The following PDZD2 variants were observed in gnomAD, a reference collection of about 807,000 sequenced individuals.
The protein encoded by PDZD2 is PDZ domain containing 2.
In PDZD2, 90 loss-of-function variants were observed where a neutral mutation model predicts 220.7. That is an observed-to-expected ratio of 0.41 (90% CI 0.34 to 0.49). The LOEUF (loss-of-function observed/expected upper bound fraction) is 0.49, where lower values mean the gene tolerates loss of function less well. Ranked by LOEUF, PDZD2 falls within the 20% of genes least tolerant of loss-of-function variation. The pLI, the probability that PDZD2 is intolerant of heterozygous loss-of-function variation, is 0.28. For synonymous variants in PDZD2, 1,375 were observed against 1,450.5 expected (o/e 0.95, Z 1.18); for missense variants, 3,174 against 3,608.5 (o/e 0.88, Z 3.08).
At chr5:31,683,531 A>T (rs954072165) in intron 1 of PDZD2, among the ~76,000 whole-genome samples, 5 of 152,240 alleles carry the variant, frequency 3.3e-5, no homozygotes, top group African/African-American at 1.2e-4. Flanking sequence ...AAGACTTTGT[A>T]CATGGACACT....
intron 2 of PDZD2, among the ~76,000 whole-genome samples, chr5:31,982,809 A>G (rs1221871003): frequency 6.6e-6 from 1 of 152,214 alleles, no homozygotes; most frequent in African/African-American, 2.4e-5. Flanking sequence ...ATTCCGATGC[A>G]AGAAATGGTT....
rs1561514502 is a variant in PDZD2, at chr5:31,856,930, ATATAT to A, written c.476+57207_476+57211del. Among the ~76,000 whole-genome samples the A allele has an allele frequency of 7.9e-3, 1,099 of 138,840 alleles. 15 individuals carry two copies. Among genetic ancestry groups the A allele is most frequent in the African/African-American group, 0.027 (979 of 35,968 alleles). 91.1% of individuals were successfully genotyped at this position (138,840 alleles called of 152,430 possible). A position where few individuals can be genotyped will look rare whatever the true frequency, so the allele number is the denominator to read the frequency against. On this transcript the variant is annotated intron_variant, in intron 2 of 24. Coordinates refer to ENST00000438447, the MANE Select transcript of PDZD2 (RefSeq NM_178140.4). The stretch of plus-strand genomic sequence containing the variant: ...AAACTATATATATATATATATATAT[ATATAT>A]AACTTTAAAAAGTCAAATATGTCTA...
chr5:31,928,126 G>A (rs968448225), intron 2 of PDZD2, among the ~76,000 whole-genome samples: 2 of 152,208 alleles, frequency 1.3e-5, no homozygotes, highest in African/African-American at 2.4e-5. Context: ...CTGCTGAAGG[G>A]GAGTGCAAAT....
chr5:32,005,173 G>T (rs1752704768), intron 5 of PDZD2, among the ~76,000 whole-genome samples: 1 of 152,174 alleles, frequency 6.6e-6, no homozygotes, highest in Non-Finnish European at 1.5e-5. Context: ...CACTTGAAGA[G>T]GGAGGGGAGA....
intron 2 of PDZD2, among the ~76,000 whole-genome samples, chr5:31,878,755 G>C (rs1198420607): frequency 6.6e-6 from 1 of 151,504 alleles, no homozygotes; most frequent in East Asian, 2.0e-4. Flanking sequence ...TAGAGACGGG[G>C]TTTCACTGTG....
Position 32,090,360 on chromosome 5 carries a change from G to T in PDZD2, c.6912G>T (p.Thr2304=). The change falls in exon 20 of 25, where the codon ACG becomes ACT. Residue 2304 remains threonine, a synonymous_variant. Transcript: ENST00000438447. The surrounding 1 kb of genome is among the most constrained non-coding windows in gnomAD (Gnocchi z 4.3). ...GGGATATCATTTCAGTCCAGGAGACGAGCTGCCTAGTCACAGACAAAATCA... is the reference window on the plus strand; with the variant it reads ...GGGATATCATTTCAGTCCAGGAGACTAGCTGCCTAGTCACAGACAAAATCA... ...DEGDIISVQE[T]SCLVTDKIKV... 1 of 1,614,092 alleles carries T rather than the reference G, an allele frequency of 6.2e-7. No individual in the cohort carries two copies. Among genetic ancestry groups the T allele is most frequent in the Non-Finnish European group, 8.5e-7 (1 of 1,179,980 alleles).
chr5:31,988,441 T>TAG (rs1554019949), intron 3 of PDZD2, among the ~76,000 whole-genome samples: 3 of 146,492 alleles, frequency 2.0e-5, no homozygotes, highest in African/African-American at 7.6e-5. Context: ...GAGATGGGGG[T>TAG]GGGGGGGGTG....
intron 10 of PDZD2, among the ~76,000 whole-genome samples, chr5:32,055,306 A>G (rs1738994589): frequency 6.6e-6 from 1 of 152,044 alleles, no homozygotes; most frequent in African/African-American, 2.4e-5. Context: ...GGCACAAGGG[A>G]TCCTCCTGCC....
intron 1 of PDZD2, among the ~76,000 whole-genome samples, chr5:31,783,353 G>A (rs911948593): frequency 6.6e-6 from 1 of 152,130 alleles, no homozygotes; most frequent in Non-Finnish European, 1.5e-5. Flanking sequence ...GGAAGGATGA[G>A]GACAGGACTG....
chr5:32,073,321 T>C (rs949495902), intron 17 of PDZD2, among the ~76,000 whole-genome samples: 4 of 152,000 alleles, frequency 2.6e-5, no homozygotes, highest in Admixed American at 1.3e-4. Flanking sequence ...TGTTCTAGAG[T>C]ATCTTTAAGA....
At chr5:31,960,247 A>C (rs1191011797) in intron 2 of PDZD2, among the ~76,000 whole-genome samples, 2 of 141,528 alleles carry the variant, frequency 1.4e-5, no homozygotes, top group Non-Finnish European at 3.1e-5. Context: ...ACGAAGTTTC[A>C]CTCTTGTTGC....
At chr5:31,996,107 G>A (rs747188057) in intron 4 of PDZD2, among the ~76,000 whole-genome samples, 14 of 152,072 alleles carry the variant, frequency 9.2e-5, no homozygotes, top group African/African-American at 2.4e-4. Flanking sequence ...CGAATGACCC[G>A]GGAAAGTGAT....
At chr5:31,766,504 C>T (rs1337481699) in intron 1 of PDZD2, among the ~76,000 whole-genome samples, 1 of 151,996 alleles carries the variant, frequency 6.6e-6, no homozygotes. Flanking sequence ...CACCTCAGCC[C>T]CATCATCCCC....
chr5:31,862,893 AT>A (rs974740535), intron 2 of PDZD2, among the ~76,000 whole-genome samples: 1 of 151,886 alleles, frequency 6.6e-6, no homozygotes, highest in African/African-American at 2.4e-5. Context: ...CGCCCAGCTA[AT>A]TTTTTTGTAT....
chr5:31,849,801 G>A (rs146006968), intron 2 of PDZD2, among the ~76,000 whole-genome samples: 11,569 of 145,336 alleles, frequency 0.08, 599 homozygotes, highest in Middle Eastern at 0.13. Context: ...CCGAGATTGC[G>A]CCACTGCCCT....
At chr5:31,872,861 A>G (rs905088357) in intron 2 of PDZD2, among the ~76,000 whole-genome samples, 1 of 152,198 alleles carries the variant, frequency 6.6e-6, no homozygotes, top group Non-Finnish European at 1.5e-5. Context: ...ATGGTCCCAT[A>G]TGACTATAAT....
At chr5:31,976,437 G>A (rs1258399879) in intron 2 of PDZD2, among the ~76,000 whole-genome samples, 2 of 152,168 alleles carry the variant, frequency 1.3e-5, no homozygotes, top group Non-Finnish European at 2.9e-5. Flanking sequence ...TCCATCCTGT[G>A]TGTCCAACAA....
chr5:31,745,809 ATTTT>A lies in PDZD2; in HGVS notation c.-360-53066_-360-53063del, dbSNP rs59613880. On this transcript the variant is annotated intron_variant, in intron 1 of 24. Coordinates refer to ENST00000438447, the MANE Select transcript of PDZD2 (RefSeq NM_178140.4). ...AGGTGTTTCCTAACTCATGTAAATG[ATTTT>A]TTTTTTTTTTTTTGCTAATATTAAG... Among the ~76,000 whole-genome samples the A allele has an allele frequency of 8.3e-3, 1,194 of 143,192 alleles. 24 individuals are homozygous for A. Among genetic ancestry groups the A allele is most frequent in the Admixed American group, 0.041 (581 of 14,316 alleles). The allele number at this position is 143,192 out of a possible 152,430, so 93.9% of individuals were successfully genotyped here. A position where few individuals can be genotyped will look rare whatever the true frequency, so the allele number is the denominator to read the frequency against.
At chr5:31,662,692 C>G (rs1294230291) in intron 1 of PDZD2, among the ~76,000 whole-genome samples, 2 of 152,168 alleles carry the variant, frequency 1.3e-5, no homozygotes, top group African/African-American at 2.4e-5. Flanking sequence ...TGCAGTGGCG[C>G]AATCTCAGCT....
Sources: allele counts gnomAD v4.1 joint callset (sites outside exome capture counted in the v4.1 genomes callset), GRCh38; gene constraint gnomAD v4.1.1; non-coding constraint Gnocchi (gnomAD v3.1); transcripts MANE v1.5; gene names NCBI Gene and HGNC (gene_info 2026-07-23, HGNC 2026-07-21).